The following KDM3A variants were observed in gnomAD, a reference collection of about 807,000 sequenced individuals.
KDM3A encodes the protein lysine demethylase 3A.
Under a neutral mutation model 158.0 loss-of-function variants are expected in KDM3A, and 60 were observed. That is an observed-to-expected ratio of 0.38 (90% CI 0.31 to 0.47). The LOEUF is 0.47. Ranked by LOEUF, KDM3A falls within the 20% of genes least tolerant of loss-of-function variation. The pLI is 0.99. For missense variants in KDM3A, 1,319 were observed against 1,574.3 expected, an observed-to-expected ratio of 0.84 and a Z score of 2.74; for synonymous variants, 608 against 549.3, an observed-to-expected ratio of 1.11 and a Z score of -1.49.
At chr2:86,480,926 A>G (rs1031552307) in intron 16 of KDM3A, among the ~76,000 whole-genome samples, 4 of 152,356 alleles carry the variant, frequency 2.6e-5, no homozygotes, top group Non-Finnish European at 1.5e-5. Flanking sequence ...CCAATCATCA[A>G]TACTGCTCAT....
chr2:86,481,404 C>CA (rs1338557091), intron 16 of KDM3A, among the ~76,000 whole-genome samples: 1 of 152,110 alleles, frequency 6.6e-6, no homozygotes, highest in Non-Finnish European at 1.5e-5. Flanking sequence ...AGACGCCTGC[C>CA]ACCACGCCCT....
chr2:86,491,920 C>A, intron 25 of KDM3A, 119 bp from the exon 26 acceptor site: 2 of 678,494 alleles, frequency 2.9e-6, no homozygotes, highest in Non-Finnish European at 2.5e-6. Context: ...ACATTTCATA[C>A]GAATATTGAA....
intron 8 of KDM3A, among the ~76,000 whole-genome samples, chr2:86,458,325 C>G (rs773716234): frequency 2.2e-4 from 34 of 152,218 alleles, no homozygotes; most frequent in Non-Finnish European, 1.0e-4. Flanking sequence ...AAACCAGTGT[C>G]TGAAGCCTCT....
chr2:86,455,780 G>T (rs1205015272), intron 5 of KDM3A, among the ~76,000 whole-genome samples: 4 of 151,088 alleles, frequency 2.6e-5, no homozygotes, highest in African/African-American at 9.7e-5. Flanking sequence ...GGGAGACGTC[G>T]ATCTCTACAA....
Position 86,479,944 on chromosome 2 carries a change from G to T in KDM3A, c.2317-223G>T. 8.9e-6 allele frequency: 5 copies of T among 561,616 alleles called. No homozygotes were observed. In the East Asian group the frequency reaches 1.5e-4, roughly 17 times the overall value. 34.8% of individuals were successfully genotyped at this position (561,616 alleles called of 1,614,324 possible). A position where few individuals can be genotyped will look rare whatever the true frequency, so the allele number is the denominator to read the frequency against. ...AGGGGCTGGTGAAAGGGTGCGGGGGGTAATACCTTGCTGTGTTTAAGTTGC... is the reference window on the plus strand; with the variant it reads ...AGGGGCTGGTGAAAGGGTGCGGGGGTTAATACCTTGCTGTGTTTAAGTTGC... On this transcript the variant is annotated intron_variant, in intron 15 of 25. Transcript: ENST00000312912.
intron 23 of KDM3A, 61 bp from the exon 24 acceptor site, chr2:86,490,820 A>T: frequency 7.5e-7 from 1 of 1,339,192 alleles, no homozygotes; most frequent in South Asian, 1.4e-5. Flanking sequence ...TTAGAGGAAA[A>T]AAATGGCTTA....
intron 8 of KDM3A, among the ~76,000 whole-genome samples, chr2:86,458,578 A>G (rs1573162217): frequency 6.6e-6 from 1 of 152,148 alleles, no homozygotes; most frequent in Non-Finnish European, 1.5e-5. Context: ...TCCATAGGAT[A>G]GTGAGGGAGA....
chr2:86,444,909 A>G (rs1399765899), intron 2 of KDM3A, among the ~76,000 whole-genome samples: 1 of 152,216 alleles, frequency 6.6e-6, no homozygotes, highest in African/African-American at 2.4e-5. Context: ...TAAGGTGAAG[A>G]CATAATAACA....
At chr2:86,448,006 A>G (rs1019687683) in intron 2 of KDM3A, among the ~76,000 whole-genome samples, 2 of 152,264 alleles carry the variant, frequency 1.3e-5, no homozygotes, top group Non-Finnish European at 2.9e-5. Flanking sequence ...GAAGATGGGC[A>G]GTCTCTGCCC....
At chr2:86,478,391 A>G (rs1673764450) in intron 14 of KDM3A, 126 bp downstream of exon 14, 1 of 835,842 alleles carries the variant, frequency 1.2e-6, no homozygotes, top group Non-Finnish European at 1.9e-6. Context: ...GTCCAGAAAT[A>G]TATTAGATAA....
chr2:86,437,769 A>G (rs373469460), upstream of KDM3A, among the ~76,000 whole-genome samples: 3 of 152,230 alleles, frequency 2.0e-5, no homozygotes, highest in East Asian at 5.8e-4. Flanking sequence ...TATTATCATT[A>G]ATGGTTTTTA....
Position 86,464,235 on chromosome 2 carries a change from A to C in KDM3A, c.1007+19A>C. The C allele has an allele frequency of 6.7e-7, 1 of 1,486,418 alleles. No homozygotes were observed. The highest frequency in any genetic ancestry group is 9.0e-7 in the Non-Finnish European group (1 of 1,106,584). 92.1% of individuals were successfully genotyped at this position (1,486,418 alleles called of 1,614,324 possible). On this transcript the variant is annotated intron_variant, in intron 9 of 25. Transcript: ENST00000312912. ...CTCAAGGGTGAGTAGTGATTTGTTA[A>C]AGATGTTTAATTATAATAATAAAAA... is the stretch of plus-strand genomic sequence containing the variant.
chr2:86,489,856 A>G (rs1674372776), intron 23 of KDM3A, 197 bp downstream of exon 23: 1 of 485,192 alleles, frequency 2.1e-6, no homozygotes, highest in South Asian at 5.4e-5. Flanking sequence ...ACTTCTAAAA[A>G]AAGCAGGCCT....
At position 86,485,779 on chromosome 2, in the gene KDM3A, A is replaced by T; in HGVS notation, c.3233A>T (p.Asp1078Val). 4.3e-6 allele frequency: 7 copies of T among 1,614,144 alleles called. No homozygotes were observed. The highest frequency in any genetic ancestry group is 5.9e-6 in the Non-Finnish European group (7 of 1,179,992). The change falls in exon 21 of 26, where the codon GAT becomes GTT. Residue 1078 changes from aspartate to valine, a missense_variant. Transcript: ENST00000312912. ...CCACTGCCCGAGTACACAAGGCGAG[A>T]TGGCAAACTGAATTTGGCCTCTAGG... ...NIPLPEYTRR[D>V]GKLNLASRLP...
At chr2:86,440,205 A>C (rs1443811690), upstream of KDM3A, among the ~76,000 whole-genome samples, 2 of 152,220 alleles carry the variant, frequency 1.3e-5, no homozygotes, top group Non-Finnish European at 2.9e-5. Context: ...TAACTTTAAA[A>C]ACTTAAAATC....
intron 20 of KDM3A, among the ~76,000 whole-genome samples, chr2:86,485,493 G>T (rs113856191): frequency 2.0e-5 from 3 of 152,178 alleles, no homozygotes; most frequent in Non-Finnish European, 4.4e-5. Context: ...AGAATTTATT[G>T]CTGAGATCTT....
intron 4 of KDM3A, among the ~76,000 whole-genome samples, chr2:86,453,507 G>A (rs1386451850): frequency 1.3e-5 from 2 of 152,138 alleles, no homozygotes; most frequent in Non-Finnish European, 2.9e-5. Flanking sequence ...AAAAGATAAG[G>A]TATCTGGACA....
intron 16 of KDM3A, among the ~76,000 whole-genome samples, chr2:86,481,512 A>G (rs1315032598): frequency 1.3e-5 from 2 of 151,364 alleles, no homozygotes; most frequent in Non-Finnish European, 2.9e-5. Context: ...TTTTTTTTTA[A>G]ACAGTTTCTG....
intron 16 of KDM3A, 83 bp from the exon 17 acceptor site, chr2:86,481,847 A>T (rs1438841451): frequency 1.9e-6 from 2 of 1,055,768 alleles, no homozygotes; most frequent in Non-Finnish European, 2.8e-6. Context: ...AGCAAGTTCT[A>T]AAGTAATTCT....
Sources: gnomAD v4.1 joint callset for allele counts (sites outside exome capture counted in the v4.1 genomes callset) on GRCh38, gnomAD v4.1.1 for gene constraint, MANE v1.5 for transcripts, NCBI Gene and HGNC (gene_info 2026-07-23, HGNC 2026-07-21) for gene names.